The following UBAC2 variants were observed in gnomAD, a reference collection of about 807,000 sequenced individuals.
UBAC2 encodes the protein UBA domain containing 2.
UBAC2 carries 26 observed loss-of-function variants against 44.0 expected under a neutral mutation model. The observed-to-expected ratio is 0.59, with a 90% CI of 0.43 to 0.82. UBAC2 has a LOEUF of 0.82. Among genes scored for constraint, UBAC2 ranks in the 40% least tolerant of loss-of-function variants. The pLI is 0.00. For missense variants in UBAC2, 329 were observed against 419.4 expected, an observed-to-expected ratio of 0.78 and a Z score of 1.88; for synonymous variants, 155 against 154.3, an observed-to-expected ratio of 1.00 and a Z score of -0.04.
chr13:99,308,276 G>A (rs554798490), intron 4 of UBAC2, among the ~76,000 whole-genome samples: 1 of 152,328 alleles, frequency 6.6e-6, no homozygotes, highest in African/African-American at 2.4e-5. Context: ...CTGTGGCAGT[G>A]AGGGGCCTGG....
At chr13:99,357,327 T>TA (rs1440216966) in intron 7 of UBAC2, among the ~76,000 whole-genome samples, 1 of 152,218 alleles carries the variant, frequency 6.6e-6, no homozygotes, top group African/African-American at 2.4e-5. Context: ...GCCCTGTTGT[T>TA]AAGCGACACG....
chr13:99,361,225 C>T lies in UBAC2; in HGVS notation c.808-6562C>T, dbSNP rs1345806423. 7.9e-5 allele frequency among the ~76,000 whole-genome samples: 12 copies of T among 152,250 alleles called. No homozygotes were observed. The East Asian group carries it at 1.2e-3, about 15-fold the overall frequency. On this transcript the variant is annotated intron_variant, in intron 7 of 8. Transcript: ENST00000403766. Reference sequence around the variant, plus strand: ...AACTAATAATAAGTATTTCATAAAACGCCTGTTCAAACTGCAAGCTGTTTC... The same window carrying T: ...AACTAATAATAAGTATTTCATAAAATGCCTGTTCAAACTGCAAGCTGTTTC...
chr13:99,301,720 T>A (rs972708091), intron 4 of UBAC2, among the ~76,000 whole-genome samples: 2 of 152,210 alleles, frequency 1.3e-5, no homozygotes, highest in Non-Finnish European at 2.9e-5. Flanking sequence ...CTTGGAGGGA[T>A]TTGTGATTTT....
At chr13:99,374,772 C>T (rs1383790477) in intron 8 of UBAC2, among the ~76,000 whole-genome samples, 1 of 152,174 alleles carries the variant, frequency 6.6e-6, no homozygotes, top group Non-Finnish European at 1.5e-5. Context: ...TTGGGTTAGC[C>T]TCCCATGGCG....
chr13:99,327,074 A>G (rs898000987), intron 6 of UBAC2, among the ~76,000 whole-genome samples: 5 of 152,214 alleles, frequency 3.3e-5, no homozygotes, highest in Admixed American at 6.5e-5. Flanking sequence ...TTTCTCTTCT[A>G]AAATCATCAA....
In UBAC2 at chr13:99,379,413, A is replaced by G. The variant is rs544255355; in HGVS notation, c.928-5815A>G. 5.3e-5 allele frequency among the ~76,000 whole-genome samples: 8 copies of G among 152,334 alleles called. No homozygotes were observed. The South Asian group carries it at 1.7e-3, about 32-fold the overall frequency. On this transcript the variant is annotated intron_variant, in intron 8 of 8. Coordinates refer to ENST00000403766, the MANE Select transcript of UBAC2 (RefSeq NM_001144072.2). Reference sequence around the variant, plus strand: ...CACCAATGAATTTCTTTGCTGCTTCATGATGCTTTGTCACCACATTAAAAA... The same window carrying G: ...CACCAATGAATTTCTTTGCTGCTTCGTGATGCTTTGTCACCACATTAAAAA...
intron 1 of UBAC2, among the ~76,000 whole-genome samples, chr13:99,222,875 G>A (rs1474180025): frequency 6.6e-6 from 1 of 152,130 alleles, no homozygotes; most frequent in African/African-American, 2.4e-5. Context: ...AACATGAGTT[G>A]GAAAGTGTTC....
intron 4 of UBAC2, among the ~76,000 whole-genome samples, chr13:99,287,647 T>C (rs7336872): frequency 0.01 from 637 of 61,680 alleles, 13 homozygotes; most frequent in East Asian, 0.027. Flanking sequence ...TTCTTTCTTT[T>C]TTTTTTTTTT....
At chr13:99,201,043 T>G (rs1593983484) in intron 1 of UBAC2, 104 bp downstream of exon 1, 3 of 1,297,172 alleles carry the variant, frequency 2.3e-6, no homozygotes, top group Non-Finnish European at 3.0e-6. Flanking sequence ...CCGGAGGTGG[T>G]GGGGCCGACC....
At chr13:99,362,153 T>G (rs1391935779) in intron 7 of UBAC2, among the ~76,000 whole-genome samples, 1 of 152,252 alleles carries the variant, frequency 6.6e-6, no homozygotes, top group East Asian at 1.9e-4. Context: ...TGCATATTCT[T>G]GTACAACTTT....
At chr13:99,342,391 G>A (rs1482565545) in intron 7 of UBAC2, among the ~76,000 whole-genome samples, 3 of 152,172 alleles carry the variant, frequency 2.0e-5, no homozygotes, top group African/African-American at 7.2e-5. Flanking sequence ...GGCAAGGGGT[G>A]GGAGACAGTG....
chr13:99,244,400 T>TAC (rs532546567), intron 3 of UBAC2, 115 bp from the exon 4 acceptor site: 67 of 672,306 alleles, frequency 1.0e-4, no homozygotes, highest in Non-Finnish European at 1.3e-4. Context: ...TGTGTGTATA[T>TAC]ACACACACAC....
At chr13:99,215,342 T>TATG (rs2042979522) in intron 1 of UBAC2, 4 of 854,642 alleles carry the variant, frequency 4.7e-6, no homozygotes, top group Admixed American at 3.4e-5. Flanking sequence ...TTATTTAGAG[T>TATG]CCTGAGATAA....
At chr13:99,376,756 G>A (rs1450607556) in intron 8 of UBAC2, among the ~76,000 whole-genome samples, 2 of 152,226 alleles carry the variant, frequency 1.3e-5, no homozygotes, top group Non-Finnish European at 2.9e-5. Flanking sequence ...TAGAAACCAA[G>A]CTGCACTCTA....
At chr13:99,291,975 ATC>A (rs1037715416) in intron 4 of UBAC2, among the ~76,000 whole-genome samples, 2 of 152,122 alleles carry the variant, frequency 1.3e-5, no homozygotes, top group African/African-American at 4.8e-5. Context: ...CAAGTTTATA[ATC>A]TATACCTATT....
Position 99,340,507 on chromosome 13 carries a change from TG to T in UBAC2, c.751del (p.Asp251ThrfsTer4). The part of the protein sequence containing the change: ...DIQRQQRMEL[L>X]DRQLMFSQFA... The stretch of plus-strand genomic sequence containing the variant: ...CAGAGACAGCAGAGAATGGAGCTGC[TG>T]GACCGGCAGCTGATGTTCTCTCAGT... On this transcript the variant is annotated frameshift_variant, in exon 7 of 9. Coordinates refer to ENST00000403766, the MANE Select transcript of UBAC2 (RefSeq NM_001144072.2). LOFTEE classifies it high-confidence loss of function. 1 of 1,614,174 alleles carries T rather than the reference TG, an allele frequency of 6.2e-7. No homozygotes were observed. Among genetic ancestry groups the T allele is most frequent in the South Asian group, 1.1e-5 (1 of 91,086 alleles).
At chr13:99,305,933 T>C (rs1355821743) in intron 4 of UBAC2, among the ~76,000 whole-genome samples, 3 of 152,138 alleles carry the variant, frequency 2.0e-5, no homozygotes, top group Non-Finnish European at 4.4e-5. Context: ...TCTCGCATGG[T>C]CGCCCAGGCT....
chr13:99,304,467 A>ACCCC (rs1357049096), intron 4 of UBAC2, among the ~76,000 whole-genome samples: 4 of 151,878 alleles, frequency 2.6e-5, no homozygotes, highest in African/African-American at 7.3e-5. Flanking sequence ...GTGAGTGGGG[A>ACCCC]CCCTATGGTG....
intron 7 of UBAC2, among the ~76,000 whole-genome samples, chr13:99,353,547 T>C (rs182255177): frequency 6.6e-6 from 1 of 152,352 alleles, no homozygotes; most frequent in East Asian, 1.9e-4. Context: ...TGTACTTGGC[T>C]TTTTGAAGAT....
Sources: gnomAD v4.1 joint callset for allele counts (sites outside exome capture counted in the v4.1 genomes callset) on GRCh38, gnomAD v4.1.1 for gene constraint, MANE v1.5 for transcripts, NCBI Gene and HGNC (gene_info 2026-07-23, HGNC 2026-07-21) for gene names.